Variants in ZNF883 observed in about 807,000 individuals in gnomAD.
The protein encoded by ZNF883 is zinc finger protein 883.
intron 2 of ZNF883, among the ~76,000 whole-genome samples, chr9:113,004,393 A>T (rs140211288): frequency 6.6e-6 from 1 of 152,330 alleles, no homozygotes; most frequent in East Asian, 1.9e-4. Flanking sequence ...AACTTTAGCT[A>T]AGAACTAAAT....
chr9:112,995,491 C>T (rs1295133120), downstream of ZNF883, among the ~76,000 whole-genome samples: 1 of 151,608 alleles, frequency 6.6e-6, no homozygotes, highest in African/African-American at 2.4e-5. Flanking sequence ...CCCTGCCTTT[C>T]TCTCCCTTTC....
intron 2 of ZNF883, among the ~76,000 whole-genome samples, chr9:113,009,140 CAA>C (rs1828506168): frequency 6.6e-6 from 1 of 152,178 alleles, no homozygotes; most frequent in Non-Finnish European, 1.5e-5. Flanking sequence ...TAAACTAAGT[CAA>C]GTTATGTCAC....
At chr9:113,011,474 C>G (rs1828538472) in intron 1 of ZNF883, among the ~76,000 whole-genome samples, 1 of 152,216 alleles carries the variant, frequency 6.6e-6, no homozygotes, top group Non-Finnish European at 1.5e-5. Flanking sequence ...CACCAGCTCC[C>G]TCTTTGTTTG....
intron 2 of ZNF883, among the ~76,000 whole-genome samples, chr9:113,009,172 T>C (rs892928858): frequency 4.6e-5 from 7 of 151,864 alleles, no homozygotes; most frequent in African/African-American, 1.5e-4. Context: ...CAAAACCCTA[T>C]GAAAATTGGT....
intron 2 of ZNF883, among the ~76,000 whole-genome samples, chr9:113,005,061 A>G (rs1224617074): frequency 6.6e-6 from 1 of 152,098 alleles, no homozygotes; most frequent in Non-Finnish European, 1.5e-5. Context: ...TTATAGGTGA[A>G]TTAAAAACTT....
At chr9:113,002,044 G>A (rs1406445530), upstream of ZNF883, 1 of 152,134 alleles carries the variant, frequency 6.6e-6, no homozygotes, top group Non-Finnish European at 1.5e-5. Context: ...CATGTGCCAT[G>A]TCTCTGACAT....
intron 2 of ZNF883, among the ~76,000 whole-genome samples, chr9:113,008,491 C>G (rs1564335104): frequency 6.6e-6 from 1 of 152,144 alleles, no homozygotes; most frequent in Non-Finnish European, 1.5e-5. Context: ...ACTCTTTTAA[C>G]AGAAGTTCCT....
At chr9:113,000,927 AC>A (rs1828415802), upstream of ZNF883, among the ~76,000 whole-genome samples, 1 of 152,144 alleles carries the variant, frequency 6.6e-6, no homozygotes, top group African/African-American at 2.4e-5. Flanking sequence ...AAGTAAAAAA[AC>A]CATAAAGGCA....
At chr9:112,999,959 A>G (rs1444103402), upstream of ZNF883, 1 of 152,200 alleles carries the variant, frequency 6.6e-6, no homozygotes, top group East Asian at 1.9e-4. Context: ...CAGATCCACT[A>G]TTGAGGCTAT....
chr9:112,988,776 C>T (rs759442043), intron 1 of ZNF883, among the ~76,000 whole-genome samples: 2 of 152,238 alleles, frequency 1.3e-5, no homozygotes, highest in South Asian at 2.1e-4. Context: ...CTACCAACAG[C>T]GTGAAACTGT....
downstream of ZNF883, among the ~76,000 whole-genome samples, chr9:112,992,443 G>T (rs1011727074): frequency 1.3e-5 from 2 of 152,194 alleles, no homozygotes; most frequent in African/African-American, 2.4e-5. Flanking sequence ...CTGCTGAGAG[G>T]TCTGCTGTTA....
At position 112,991,058 on chromosome 9, in the gene ZNF883, T is replaced by C. The variant is rs377524804; in HGVS notation, n.310-7479A>G. 8.5e-5 allele frequency among the ~76,000 whole-genome samples: 13 copies of C among 152,280 alleles called. 1 individual carries two copies. Among genetic ancestry groups the C allele is most frequent in the Admixed American group, 3.3e-4 (5 of 15,294 alleles). ...ATTAGTTTTTTCAAAAACCAGCTCC[T>C]GGATTCATTGATTTTTTTGAAGGGT... On this transcript the variant is annotated intron_variant and non_coding_transcript_variant, in intron 1 of 9. Coordinates refer to the ZNF883 transcript ENST00000638823.
At chr9:113,005,498 G>C (rs184085899) in intron 2 of ZNF883, among the ~76,000 whole-genome samples, 2 of 152,086 alleles carry the variant, frequency 1.3e-5, no homozygotes, top group Admixed American at 1.3e-4. Flanking sequence ...GTCAAAAACA[G>C]GCAGTATTCA....
chr9:112,996,648 G>A (rs1031004519), downstream of ZNF883, among the ~76,000 whole-genome samples: 32 of 150,120 alleles, frequency 2.1e-4, no homozygotes, highest in East Asian at 2.5e-3. Context: ...AAAATTAGCC[G>A]GGCGTGGTAG....
At chr9:112,996,073 G>GT (rs1207781704), downstream of ZNF883, among the ~76,000 whole-genome samples, 6 of 151,346 alleles carry the variant, frequency 4.0e-5, no homozygotes, top group South Asian at 2.1e-4. Flanking sequence ...TAATAATCAC[G>GT]TTTTTTTTCC....
chr9:113,001,194 A>C (rs1828418570), upstream of ZNF883, among the ~76,000 whole-genome samples: 1 of 152,216 alleles, frequency 6.6e-6, no homozygotes, highest in Non-Finnish European at 1.5e-5. Context: ...ATTAGCTACA[A>C]GTCTGAAACA....
At chr9:112,994,599 A>G (rs1021645556), downstream of ZNF883, among the ~76,000 whole-genome samples, 1 of 151,936 alleles carries the variant, frequency 6.6e-6, no homozygotes, top group Non-Finnish European at 1.5e-5. Context: ...TTTCCCAATC[A>G]GTTCTTTTCA....
chr9:112,989,227 C>A (rs1474956163), intron 1 of ZNF883, among the ~76,000 whole-genome samples: 2 of 152,130 alleles, frequency 1.3e-5, no homozygotes, highest in Non-Finnish European at 2.9e-5. Flanking sequence ...AATGATATTG[C>A]CTATATTTTC....
intron 2 of ZNF883, among the ~76,000 whole-genome samples, chr9:113,006,044 G>A (rs1016313002): frequency 6.7e-6 from 1 of 150,076 alleles, no homozygotes. Flanking sequence ...GCCAATAAGA[G>A]GCATACAGTA....
Sources: gnomAD v4.1 joint callset for allele counts (sites outside exome capture counted in the v4.1 genomes callset) on GRCh38, gnomAD v4.1.1 for gene constraint, MANE v1.5 for transcripts, NCBI Gene and HGNC (gene_info 2026-07-23, HGNC 2026-07-21) for gene names.